Variants in MYO16 observed in about 807,000 individuals in gnomAD.
The protein encoded by MYO16 is unconventional myosin-XVI.
In MYO16, 94 loss-of-function variants were observed where a neutral mutation model predicts 205.3. That is an observed-to-expected ratio of 0.46 (90% CI 0.39 to 0.54). The LOEUF is 0.54. Among genes scored for constraint, MYO16 ranks in the 20% least tolerant of loss-of-function variants. The pLI, the probability that MYO16 is intolerant of heterozygous loss-of-function variation, is 0.00. For synonymous variants in MYO16, 988 were observed against 954.0 expected, an observed-to-expected ratio of 1.04 and a Z score of -0.66; for missense variants, 2,315 against 2,387.5, an observed-to-expected ratio of 0.97 and a Z score of 0.63.
chr13:108,687,679 G>C (rs544878046), intron 2 of MYO16, among the ~76,000 whole-genome samples: 1 of 152,260 alleles, frequency 6.6e-6, no homozygotes, highest in South Asian at 2.1e-4. Context: ...ATAGAAAAAT[G>C]AACAAGGGCG....
chr13:108,712,634 C>T, intron 2 of MYO16, 27 bp from the exon 3 acceptor site: 1 of 1,603,874 alleles, frequency 6.2e-7, no homozygotes, highest in Non-Finnish European at 8.5e-7. Flanking sequence ...CTCTCTGTAA[C>T]TCCATTCTCC....
intron 4 of MYO16, among the ~76,000 whole-genome samples, chr13:108,748,525 GA>G (rs569937429): frequency 6.6e-6 from 1 of 151,726 alleles, no homozygotes; most frequent in African/African-American, 2.4e-5. Context: ...CTAAAAATAG[GA>G]AAAAATAAAG....
chr13:109,046,682 A>T (rs9555546), intron 23 of MYO16, among the ~76,000 whole-genome samples: 7 of 152,118 alleles, frequency 4.6e-5, no homozygotes, highest in African/African-American at 1.7e-4. Context: ...TAAACTTGGC[A>T]ATCAAAGGAG....
At chr13:108,849,198 T>C (rs887826544) in intron 10 of MYO16, among the ~76,000 whole-genome samples, 3 of 152,158 alleles carry the variant, frequency 2.0e-5, no homozygotes, top group African/African-American at 7.2e-5. Context: ...TGTTTTTGTT[T>C]TTGTTTTTCT....
chr13:108,788,332 T>C (rs1436381600), intron 5 of MYO16, among the ~76,000 whole-genome samples: 1 of 152,000 alleles, frequency 6.6e-6, no homozygotes, highest in Non-Finnish European at 1.5e-5. Context: ...GGCTGTGAAA[T>C]GAGACAACCA....
intron 23 of MYO16, among the ~76,000 whole-genome samples, chr13:109,020,434 C>A (rs1222642250): frequency 6.6e-6 from 1 of 151,996 alleles, no homozygotes; most frequent in Non-Finnish European, 1.5e-5. Context: ...CTCCTTAGTC[C>A]AGGCTAATAT....
chr13:108,886,147 C>T (rs1214450087), intron 13 of MYO16, among the ~76,000 whole-genome samples: 1 of 152,036 alleles, frequency 6.6e-6, no homozygotes, highest in East Asian at 1.9e-4. Flanking sequence ...GCCATCACGC[C>T]CGGCTAATTT....
chr13:108,585,001 C>CTT, the MYO16 span, among the ~76,000 whole-genome samples: 1 of 152,130 alleles, frequency 6.6e-6, no homozygotes, highest in African/African-American at 2.4e-5. Flanking sequence ...TGAGCAAGAT[C>CTT]TTATTTTCTT....
At chr13:108,880,328 T>C (rs1296784341) in intron 12 of MYO16, among the ~76,000 whole-genome samples, 1 of 152,234 alleles carries the variant, frequency 6.6e-6, no homozygotes, top group Non-Finnish European at 1.5e-5. Context: ...TTCACTCTGA[T>C]GGTAGTTTCT....
At chr13:108,516,345 GCGCGCACA>G in the MYO16 span, among the ~76,000 whole-genome samples, 1 of 151,924 alleles carries the variant, frequency 6.6e-6, no homozygotes, top group South Asian at 2.1e-4. Context: ...CGCGCACGGT[GCGCGCACA>G]CACTGGCCTG....
intron 7 of MYO16, among the ~76,000 whole-genome samples, chr13:108,818,237 A>G (rs535203567): frequency 1.3e-5 from 2 of 152,044 alleles, no homozygotes; most frequent in African/African-American, 4.8e-5. Context: ...TATAAAAATT[A>G]TCTAGGTGCG....
intron 28 of MYO16, among the ~76,000 whole-genome samples, chr13:109,111,040 A>G (rs1889267390): frequency 1.3e-5 from 2 of 152,246 alleles, no homozygotes; most frequent in East Asian, 3.8e-4. Flanking sequence ...TGGTAGGATG[A>G]CGGATGAACA....
rs138385621 is a variant in MYO16 at position 108,720,282 on chromosome 13, C to T, written c.364-7158C>T. ...AGATTCAAGCACAGGCTGAAAGGGC[C>T]GGTCTGCGGTATTGCTGTTGAATAA... is the stretch of plus-strand genomic sequence containing the variant. On this transcript the variant is annotated intron_variant, in intron 3 of 34. Transcript: ENST00000457511. 3.2e-3 allele frequency among the ~76,000 whole-genome samples: 489 copies of T among 152,156 alleles called. 5 individuals are homozygous for T. Among genetic ancestry groups the T allele is most frequent in the African/African-American group, 0.011 (445 of 41,488 alleles).
At chr13:108,915,327 G>A (rs940800620) in intron 16 of MYO16, among the ~76,000 whole-genome samples, 4 of 152,124 alleles carry the variant, frequency 2.6e-5, no homozygotes, top group Admixed American at 2.6e-4. Context: ...ACAAGATGGC[G>A]AGCTCTCCAT....
intron 32 of MYO16, among the ~76,000 whole-genome samples, chr13:109,148,714 T>C (rs1451617858): frequency 6.6e-6 from 1 of 152,012 alleles, no homozygotes; most frequent in Non-Finnish European, 1.5e-5. Context: ...GTCAGTGACG[T>C]GGGAAAAGTG....
intron 27 of MYO16, among the ~76,000 whole-genome samples, chr13:109,087,470 A>T (rs1409501904): frequency 6.6e-6 from 1 of 152,174 alleles, no homozygotes; most frequent in Non-Finnish European, 1.5e-5. Context: ...ACATGATGAA[A>T]CCCTGTCTCT....
intron 1 of MYO16, among the ~76,000 whole-genome samples, chr13:108,610,787 G>C (rs913497682): frequency 6.6e-6 from 1 of 152,142 alleles, no homozygotes; most frequent in Non-Finnish European, 1.5e-5. Context: ...GAGAGGAGGA[G>C]AGCTGAGAGA....
chr13:108,537,447 C>G, the MYO16 span, among the ~76,000 whole-genome samples: 1 of 151,998 alleles, frequency 6.6e-6, no homozygotes, highest in Admixed American at 6.6e-5. Context: ...TTGTGGATAA[C>G]GCTGTGATAA....
At chr13:109,189,443 T>C (rs951925795) in intron 34 of MYO16, among the ~76,000 whole-genome samples, 1 of 152,266 alleles carries the variant, frequency 6.6e-6, no homozygotes, top group Admixed American at 6.5e-5. Flanking sequence ...TGTTTCCTTA[T>C]GATGACTTCT....
Sources: allele counts gnomAD v4.1 joint callset (sites outside exome capture counted in the v4.1 genomes callset), GRCh38; gene constraint gnomAD v4.1.1; transcripts MANE v1.5; gene names NCBI Gene and HGNC (gene_info 2026-07-23, HGNC 2026-07-21).